The following CPNE4 variants were observed in gnomAD, a reference collection of about 807,000 sequenced individuals.
CPNE4 encodes the protein copine-4.
A neutral mutation model predicts 67.9 loss-of-function variants in CPNE4; 25 were observed. The ratio of observed to expected loss-of-function variants is 0.37; its 90% CI spans 0.27 to 0.51. CPNE4 has a LOEUF of 0.51. CPNE4 is among the 20% of genes least tolerant of loss of function. The probability of loss-of-function intolerance (pLI) is 0.93; values close to 1 mark genes in which losing one functional copy is unlikely to be tolerated. For missense variants in CPNE4, 464 were observed against 690.8 expected (o/e 0.67, Z 3.68); for synonymous variants, 242 against 244.9 (o/e 0.99, Z 0.11).
chr3:131,886,475 C>A (rs1467372026), intron 2 of CPNE4, among the ~76,000 whole-genome samples: 1 of 152,222 alleles, frequency 6.6e-6, no homozygotes, highest in Non-Finnish European at 1.5e-5. Flanking sequence ...TCATAGCCCC[C>A]ACACAGAGTC....
chr3:131,674,135 A>G (rs1300238394), intron 6 of CPNE4, among the ~76,000 whole-genome samples: 1 of 151,996 alleles, frequency 6.6e-6, no homozygotes, highest in Admixed American at 6.6e-5. Context: ...TGCATATGTT[A>G]AACCATTCTT....
chr3:131,604,759 C>T (rs145411643), intron 7 of CPNE4, among the ~76,000 whole-genome samples: 1 of 147,658 alleles, frequency 6.8e-6, no homozygotes, highest in African/African-American at 2.6e-5. Flanking sequence ...ACTTAATAAA[C>T]TCCCCTTTAT....
At chr3:131,820,226 G>A (rs923223038) in intron 2 of CPNE4, among the ~76,000 whole-genome samples, 1 of 152,194 alleles carries the variant, frequency 6.6e-6, no homozygotes, top group Non-Finnish European at 1.5e-5. Flanking sequence ...TAACATCTGT[G>A]GGAGGAAAGG....
intron 2 of CPNE4, among the ~76,000 whole-genome samples, chr3:131,798,449 C>G (rs2083979568): frequency 6.6e-6 from 1 of 152,028 alleles, no homozygotes; most frequent in Non-Finnish European, 1.5e-5. Flanking sequence ...GTATATCACA[C>G]CATAAGAGAG....
At chr3:131,579,627 T>A (rs1937658345) in intron 9 of CPNE4, among the ~76,000 whole-genome samples, 2 of 152,164 alleles carry the variant, frequency 1.3e-5, no homozygotes, top group South Asian at 4.1e-4. Context: ...TCAACACTAA[T>A]AGGAGTTTGG....
intron 2 of CPNE4, among the ~76,000 whole-genome samples, chr3:131,877,841 C>T (rs2087519920): frequency 6.6e-6 from 1 of 152,164 alleles, no homozygotes; most frequent in African/African-American, 2.4e-5. Context: ...AGAGGTATGT[C>T]ACAAAATAGG....
At chr3:131,702,310 T>C (rs2081320651) in intron 3 of CPNE4, among the ~76,000 whole-genome samples, 1 of 152,182 alleles carries the variant, frequency 6.6e-6, no homozygotes, top group African/African-American at 2.4e-5. Context: ...TGGCCCCCAC[T>C]GTATGCTAGA....
intron 2 of CPNE4, among the ~76,000 whole-genome samples, chr3:131,859,862 T>C (rs368851570): frequency 2.6e-5 from 4 of 152,248 alleles, no homozygotes; most frequent in Admixed American, 2.0e-4. Context: ...AAGAGAGGCA[T>C]TCACCTTACT....
intron 1 of CPNE4, among the ~76,000 whole-genome samples, chr3:131,958,609 C>CTTTTTTTTTTTTTTTTTTTTTTTTTTTTT (rs748126986): frequency 1.0e-5 from 1 of 96,032 alleles, no homozygotes; most frequent in Non-Finnish European, 2.0e-5. Context: ...TCTTTCTTTT[C>CTTTTTTTTTTTTTTTTTTTTTTTTTTTTT]TTTTTTTTTT....
chr3:131,534,819 G>A lies in CPNE4; in HGVS notation c.*376C>T, dbSNP rs541493012. The A allele has an allele frequency of 2.6e-4, 41 of 158,138 alleles. 1 individual carries two copies. Among genetic ancestry groups the A allele is most frequent in the South Asian group, 1.2e-3 (6 of 4,942 alleles). 9.8% of individuals were successfully genotyped at this position (158,138 alleles called of 1,614,324 possible). A position where few individuals can be genotyped will look rare whatever the true frequency, so the allele number is the denominator to read the frequency against. On this transcript the variant is annotated 3_prime_UTR_variant, in exon 16 of 16. Transcript: ENST00000429747. ...TAGCAGATAAAACCAAGTATATTTC[G>A]TCTATCAACATTCAGTAAATGTTTC... is the stretch of plus-strand genomic sequence containing the variant.
At chr3:131,581,271 G>T (rs1937817612) in intron 9 of CPNE4, among the ~76,000 whole-genome samples, 1 of 152,054 alleles carries the variant, frequency 6.6e-6, no homozygotes, top group South Asian at 2.1e-4. Flanking sequence ...AGAAATGTTG[G>T]CTTCCCCATT....
intron 3 of CPNE4, among the ~76,000 whole-genome samples, chr3:131,709,005 CATAATA>C (rs138362835): frequency 0.22 from 19,654 of 87,950 alleles, 2,022 homozygotes; most frequent in African/African-American, 0.3. Flanking sequence ...TACATACACA[CATAATA>C]ATATAATACT....
At chr3:132,020,550 C>A (rs1322910227) in intron 1 of CPNE4, among the ~76,000 whole-genome samples, 1 of 152,166 alleles carries the variant, frequency 6.6e-6, no homozygotes, top group African/African-American at 2.4e-5. Context: ...AGTCAGCTAC[C>A]TTAATCATAT....
At chr3:131,964,104 C>T (rs531542703) in intron 1 of CPNE4, among the ~76,000 whole-genome samples, 9 of 152,258 alleles carry the variant, frequency 5.9e-5, no homozygotes, top group African/African-American at 2.2e-4. Flanking sequence ...GGGCCTCCAG[C>T]AAACTTCAGC....
At chr3:131,734,090 A>C (rs948229198) in intron 2 of CPNE4, among the ~76,000 whole-genome samples, 3 of 152,120 alleles carry the variant, frequency 2.0e-5, no homozygotes, top group South Asian at 2.1e-4. Context: ...TAGAATCATA[A>C]ATTTTTGTCC....
chr3:131,869,533 A>G (rs949731213), intron 2 of CPNE4, among the ~76,000 whole-genome samples: 3 of 152,236 alleles, frequency 2.0e-5, no homozygotes, highest in Non-Finnish European at 4.4e-5. Flanking sequence ...TCAGCTTTTC[A>G]TAACTTAAGA....
intron 1 of CPNE4, among the ~76,000 whole-genome samples, chr3:131,909,755 T>C (rs2088907330): frequency 6.6e-6 from 1 of 152,160 alleles, no homozygotes; most frequent in Non-Finnish European, 1.5e-5. Context: ...TCAAGGCTTC[T>C]TGAAATATGG....
At chr3:131,867,249 C>G (rs1281967781) in intron 2 of CPNE4, among the ~76,000 whole-genome samples, 1 of 152,002 alleles carries the variant, frequency 6.6e-6, no homozygotes, top group African/African-American at 2.4e-5. Flanking sequence ...CTTCCCTCAC[C>G]CGCTCTTTGG....
In CPNE4 at chr3:131,880,132, A is replaced by AT. The variant is rs1297226216; in HGVS notation, c.180+25131dup. Among the ~76,000 whole-genome samples the AT allele has an allele frequency of 1.4e-3, 209 of 147,502 alleles. 2 individuals carry two copies. The highest frequency in any genetic ancestry group is 0.014 in the Middle Eastern group (4 of 288). ...GCATATAGTATATATATATATACAT[A>AT]TTTTTTTTTTTTGAGACGGAGTTTT... On this transcript the variant is annotated intron_variant, in intron 2 of 15. Coordinates refer to ENST00000429747, the MANE Select transcript of CPNE4 (RefSeq NM_130808.3).
Sources: allele counts gnomAD v4.1 joint callset (sites outside exome capture counted in the v4.1 genomes callset), GRCh38; gene constraint gnomAD v4.1.1; transcripts MANE v1.5; gene names NCBI Gene and HGNC (gene_info 2026-07-23, HGNC 2026-07-21).